The following WDR37 variants were observed in gnomAD, a reference collection of about 807,000 sequenced individuals.
The protein encoded by WDR37 is WD repeat-containing protein 37.
Under a neutral mutation model 62.9 loss-of-function variants are expected in WDR37, and 19 were observed. That is an observed-to-expected ratio of 0.30 (90% CI 0.21 to 0.44). The LOEUF is 0.44. WDR37 is among the 20% of genes least tolerant of loss of function. WDR37 has a pLI of 1.00. For missense variants in WDR37, 474 were observed against 657.6 expected (o/e 0.72, Z 3.05); for synonymous variants, 250 against 260.9 (o/e 0.96, Z 0.40).
At chr10:1,084,874 C>T (rs188362335) in intron 6 of WDR37, among the ~76,000 whole-genome samples, 2 of 152,362 alleles carry the variant, frequency 1.3e-5, no homozygotes, top group African/African-American at 2.4e-5. Flanking sequence ...CGTTGCAACT[C>T]ACAGTGAACC....
chr10:1,093,896 A>C (rs1834482656), intron 8 of WDR37, among the ~76,000 whole-genome samples: 2 of 152,226 alleles, frequency 1.3e-5, no homozygotes, highest in South Asian at 2.1e-4. Flanking sequence ...GCAAGTTGCC[A>C]ATGTCAGCAT....
Position 1,072,345 on chromosome 10 carries a change from G to A in WDR37, c.138+52G>A, listed in dbSNP as rs370450529. On this transcript the variant is annotated intron_variant, in intron 2 of 13. Coordinates refer to ENST00000263150, the MANE Select transcript of WDR37 (RefSeq NM_014023.4). ...TTGATTGATTGATTTTTGAGACAGA[G>A]TTTCGCTCGTTTCCCCGGCTGGAGT... The A allele has an allele frequency of 3.6e-4, 571 of 1,597,556 alleles. 1 individual carries two copies. Among genetic ancestry groups the A allele is most frequent in the Non-Finnish European group, 4.6e-4 (540 of 1,170,484 alleles).
At chr10:1,070,483 G>C (rs1177121081) in intron 1 of WDR37, among the ~76,000 whole-genome samples, 2 of 152,078 alleles carry the variant, frequency 1.3e-5, no homozygotes, top group Non-Finnish European at 2.9e-5. Flanking sequence ...ACATTTAGAA[G>C]AGATATTTAG....
chr10:1,088,360 A>G (rs190513158), intron 7 of WDR37, among the ~76,000 whole-genome samples: 103 of 152,320 alleles, frequency 6.8e-4, no homozygotes, highest in Non-Finnish European at 1.2e-3. Flanking sequence ...ACTAAGCTTA[A>G]TCATTTCTAG....
intron 1 of WDR37, among the ~76,000 whole-genome samples, chr10:1,066,784 G>A (rs1434060731): frequency 6.6e-6 from 1 of 152,218 alleles, no homozygotes; most frequent in African/African-American, 2.4e-5. Flanking sequence ...AAAGGAAAGA[G>A]GTTTATTGGA....
rs189915279 is a variant in WDR37 at position 1,084,511 on chromosome 10, C to G, written c.505C>G (p.Pro169Ala). 3.8e-5 allele frequency: 62 copies of G among 1,614,176 alleles called. No individual in the cohort carries two copies. The highest frequency in any genetic ancestry group is 2.7e-4 in the Admixed American group (16 of 60,028). ...GGATGTCAGCGTGGCCAAGACACAG[C>G]CAGTGGTGCTCGGGACTGCATCAGC... The part of the protein sequence containing the change: ...IWDVSVAKTQ[P>A]VVLGTASADH... Residue 169 changes from proline (P) to alanine (A), a missense_variant, in exon 6 of 14, where the codon CCA (proline) becomes GCA (alanine). Physicochemically the swap from Pro to Ala is conservative, Grantham distance 27. Coordinates refer to ENST00000263150, the MANE Select transcript of WDR37 (RefSeq NM_014023.4).
At chr10:1,069,389 A>ATATATATATATATATTTTTTTTT in intron 1 of WDR37, among the ~76,000 whole-genome samples, 6 of 95,780 alleles carry the variant, frequency 6.3e-5, no homozygotes, top group African/African-American at 2.8e-4. Flanking sequence ...ATATATATAT[A>ATATATATATATATATTTTTTTTT]TTTTTTTTTT....
chr10:1,058,030 G>C (rs1179336138), intron 1 of WDR37, among the ~76,000 whole-genome samples: 1 of 138,808 alleles, frequency 7.2e-6, no homozygotes, highest in Non-Finnish European at 1.6e-5. Flanking sequence ...GATCAAATTC[G>C]AGTCTTTCAA....
chr10:1,126,800 T>G (rs1835801669), intron 13 of WDR37, among the ~76,000 whole-genome samples: 1 of 152,240 alleles, frequency 6.6e-6, no homozygotes, highest in African/African-American at 2.4e-5. Context: ...TTTCTGGAAA[T>G]GAGCTTCCCT....
At chr10:1,118,405 T>G (rs111798255) in intron 11 of WDR37, among the ~76,000 whole-genome samples, 2 of 123,612 alleles carry the variant, frequency 1.6e-5, no homozygotes, top group South Asian at 2.9e-4. Context: ...GCCAGCTCTG[T>G]TTGAAGTCCC....
intron 1 of WDR37, among the ~76,000 whole-genome samples, chr10:1,059,205 G>A (rs896153934): frequency 7.2e-5 from 11 of 151,846 alleles, no homozygotes; most frequent in Admixed American, 4.6e-4. Context: ...GTGAAGTCCC[G>A]TCTCTACTAA....
At chr10:1,067,523 CAT>C (rs1347870908) in intron 1 of WDR37, among the ~76,000 whole-genome samples, 1 of 152,136 alleles carries the variant, frequency 6.6e-6, no homozygotes, top group Admixed American at 6.5e-5. Flanking sequence ...ACCTATGTGA[CAT>C]ATAATTCATA....
At position 1,131,753 on chromosome 10, in the gene WDR37, C is replaced by G. The variant is rs1375514760; in HGVS notation, c.*2409C>G. Reference sequence around the variant, plus strand: ...AAATTAAGTCATACTGTCAACCACACGTGATCTCGTCTGAAACAGTGTTTG... The same window carrying G: ...AAATTAAGTCATACTGTCAACCACAGGTGATCTCGTCTGAAACAGTGTTTG... On this transcript the variant is annotated 3_prime_UTR_variant, in exon 14 of 14. Transcript: ENST00000263150. 1 of 152,106 alleles carries G rather than the reference C, an allele frequency of 6.6e-6. No individual in the cohort carries two copies. The highest frequency in any genetic ancestry group is 1.5e-5 in the Non-Finnish European group (1 of 68,038). The allele number at this position is 152,106 out of a possible 1,614,324, so 9.4% of individuals were successfully genotyped here. A position where few individuals can be genotyped will look rare whatever the true frequency, so the allele number is the denominator to read the frequency against.
In WDR37 at chr10:1,103,865, C is replaced by T. The variant is rs199553658; in HGVS notation, c.961+29C>T. 1 of 1,607,410 alleles carries T rather than the reference C, an allele frequency of 6.2e-7. No individual in the cohort carries two copies. Among genetic ancestry groups the T allele is most frequent in the East Asian group, 2.2e-5 (1 of 44,640 alleles). ...CCTGGGTTCTCTGAGTCCGCCGCCT[C>T]CTGGCTGTGCATGTTAGTTTATGTC... On this transcript the variant is annotated intron_variant, in intron 10 of 13. Coordinates refer to ENST00000263150, the MANE Select transcript of WDR37 (RefSeq NM_014023.4). The surrounding 1 kb of genome is among the most constrained non-coding windows in gnomAD (Gnocchi z 6.3).
intron 13 of WDR37, among the ~76,000 whole-genome samples, chr10:1,126,748 T>C (rs1430531698): frequency 2.6e-5 from 4 of 152,048 alleles, no homozygotes; most frequent in Non-Finnish European, 5.9e-5. Context: ...AAAGTGGGGG[T>C]TCTCTCAGCG....
chr10:1,091,655 T>G (rs1834392175), intron 7 of WDR37, among the ~76,000 whole-genome samples: 1 of 152,230 alleles, frequency 6.6e-6, no homozygotes, highest in South Asian at 2.1e-4. Flanking sequence ...TGACTGGTGC[T>G]GACTGATGGT....
chr10:1,116,100 T>C (rs1410620360), intron 11 of WDR37, among the ~76,000 whole-genome samples: 2 of 152,192 alleles, frequency 1.3e-5, no homozygotes, highest in Non-Finnish European at 2.9e-5. Context: ...ATACCCCTCA[T>C]TGGAGTGATG....
intron 1 of WDR37, among the ~76,000 whole-genome samples, chr10:1,061,884 A>G (rs1276328728): frequency 6.6e-6 from 1 of 152,068 alleles, no homozygotes; most frequent in Non-Finnish European, 1.5e-5. Flanking sequence ...TGAGGTATAC[A>G]TGAAACATAA....
intron 1 of WDR37, among the ~76,000 whole-genome samples, chr10:1,069,389 A>ATATATATATATTTTTTTTTTTTTTTTTTT: frequency 1.0e-5 from 1 of 95,780 alleles, no homozygotes; most frequent in Non-Finnish European, 1.9e-5. Context: ...ATATATATAT[A>ATATATATATATTTTTTTTTTTTTTTTTTT]TTTTTTTTTT....
Sources: allele counts gnomAD v4.1 joint callset (sites outside exome capture counted in the v4.1 genomes callset), GRCh38; gene constraint gnomAD v4.1.1; non-coding constraint Gnocchi (gnomAD v3.1); transcripts MANE v1.5; gene names NCBI Gene and HGNC (gene_info 2026-07-23, HGNC 2026-07-21).